JAG1: variants seen among roughly 807,000 people sequenced by gnomAD.
JAG1 encodes the protein protein jagged-1.
JAG1 carries 23 observed loss-of-function variants against 148.7 expected under a neutral mutation model. That is an observed-to-expected ratio of 0.15 (90% CI 0.11 to 0.22). JAG1 has a LOEUF of 0.22. Ranked by LOEUF, JAG1 falls within the 10% of genes least tolerant of loss-of-function variation. The probability of loss-of-function intolerance (pLI) is 1.00; values close to 1 mark genes in which losing one functional copy is unlikely to be tolerated. For missense variants in JAG1, 1,054 were observed against 1,611.2 expected, an observed-to-expected ratio of 0.65 and a Z score of 5.92; for synonymous variants, 572 against 598.3, an observed-to-expected ratio of 0.96 and a Z score of 0.64.
intron 3 of JAG1, among the ~76,000 whole-genome samples, chr20:10,659,857 TATC>T (rs2067404597): frequency 6.6e-6 from 1 of 152,236 alleles, no homozygotes; most frequent in African/African-American, 2.4e-5. Flanking sequence ...TGAGGCCACT[TATC>T]ATCTAGTTTG....
chr20:10,654,266 T>TA (rs1230811102), intron 5 of JAG1, among the ~76,000 whole-genome samples: 2 of 151,732 alleles, frequency 1.3e-5, no homozygotes, highest in African/African-American at 2.4e-5. Context: ...TCCCCAAGCA[T>TA]AAAAAAGCAA....
At chr20:10,648,460 A>G in intron 12 of JAG1, 89 bp downstream of exon 12, 1 of 1,106,042 alleles carries the variant, frequency 9.0e-7, no homozygotes, top group Non-Finnish European at 1.4e-6. Context: ...AATTCCAGAC[A>G]CAAGAGCTGA....
intron 8 of JAG1, chr20:10,651,212 G>T (rs1415717813): frequency 9.9e-6 from 2 of 201,618 alleles, no homozygotes; most frequent in Non-Finnish European, 2.1e-5. Flanking sequence ...CTTCTCTGGG[G>T]CCCCCTGGCC....
Position 10,673,420 on chromosome 20 carries a change from TG to T in JAG1, c.81+29del. On this transcript the variant is annotated intron_variant, in intron 1 of 25. Transcript: ENST00000254958. This position sits in a 1 kb window ranked among gnomAD's most constrained non-coding sequence, Gnocchi z 4.7. ...GCCGCGAGGGGAGGGAGAGGACGGCTGGGAGGGAGGCCCGGAGAAGGGCTCC... is the reference window on the plus strand; with the variant it reads ...GCCGCGAGGGGAGGGAGAGGACGGCTGGAGGGAGGCCCGGAGAAGGGCTCC... The T allele has an allele frequency of 7.0e-7, 1 of 1,422,734 alleles. No individual in the cohort carries two copies. Among genetic ancestry groups the T allele is most frequent in the South Asian group, 1.4e-5 (1 of 69,088 alleles). The allele number at this position is 1,422,734 out of a possible 1,614,324, so 88.1% of individuals were successfully genotyped here. A position where few individuals can be genotyped will look rare whatever the true frequency, so the allele number is the denominator to read the frequency against.
At chr20:10,660,913 G>T (rs542271044) in intron 3 of JAG1, among the ~76,000 whole-genome samples, 1 of 152,220 alleles carries the variant, frequency 6.6e-6, no homozygotes, top group Non-Finnish European at 1.5e-5. Context: ...GGCCAAGGAG[G>T]AGGTGATGAA....
At chr20:10,643,039 A>G (rs956348566) in intron 20 of JAG1, among the ~76,000 whole-genome samples, 17 of 152,266 alleles carry the variant, frequency 1.1e-4, no homozygotes, top group African/African-American at 4.1e-4. Flanking sequence ...CTGTATTTAT[A>G]AAAACAGACA....
rs751424768 is a variant in JAG1, at chr20:10,647,051, C to T, written c.1773G>A (p.Val591=). The T allele has an allele frequency of 1.9e-6, 3 of 1,614,220 alleles. No individual in the cohort carries two copies. Among genetic ancestry groups the T allele is most frequent in the Non-Finnish European group, 1.7e-6 (2 of 1,180,040 alleles). Residue 591 remains valine (V), a synonymous_variant, in exon 14 of 26, where the codon GTG becomes GTA. Coordinates refer to ENST00000254958, the MANE Select transcript of JAG1 (RefSeq NM_000214.3). ...AMASNDTPEG[V]RYISSNVCGP... is the part of the protein sequence containing the mutation. ...CACAGACGTTGGAGGAAATATACCG[C>T]ACCCCTTCAGGTGTGTCGTTGGAAG...
At chr20:10,640,372 C>A (rs11699674) in intron 25 of JAG1, among the ~76,000 whole-genome samples, 1 of 149,246 alleles carries the variant, frequency 6.7e-6, no homozygotes, top group Non-Finnish European at 1.5e-5. Context: ...AAACGGTGCT[C>A]GAGATCCTCA....
At chr20:10,659,256 C>T (rs948278228) in intron 3 of JAG1, among the ~76,000 whole-genome samples, 2 of 152,220 alleles carry the variant, frequency 1.3e-5, no homozygotes, top group African/African-American at 2.4e-5. Context: ...ATTTAATTAG[C>T]ATTTAACTAA....
intron 24 of JAG1, 88 bp from the exon 25 acceptor site, chr20:10,641,021 GC>G: frequency 6.2e-7 from 1 of 1,610,508 alleles, no homozygotes; most frequent in Non-Finnish European, 8.5e-7. Flanking sequence ...TGTCTGCAAA[GC>G]TTTTTGTCAG....
chr20:10,660,307 C>G (rs143355706), intron 3 of JAG1, among the ~76,000 whole-genome samples: 26 of 112,116 alleles, frequency 2.3e-4, no homozygotes, highest in African/African-American at 7.8e-4. Context: ...CCGGCACGCA[C>G]TGAACCACTT....
At position 10,641,614 on chromosome 20, in the gene JAG1, A is replaced by G. The variant is rs1305578649; in HGVS notation, c.2762T>C (p.Leu921Pro). The change falls in exon 23 of 26, where the codon CTG becomes CCG. Residue 921 changes from leucine (L) to proline (P), a missense_variant. Coordinates refer to ENST00000254958, the MANE Select transcript of JAG1 (RefSeq NM_000214.3). ...CPSGQSCIPI[L>P]DDQCFVHPCT... is the part of the protein sequence containing the mutation. ...GGGGTGGACGAAGCACTGGTCGTCC[A>G]GGATGGGGATGCAGCTCTGCCCGCT... is the stretch of plus-strand genomic sequence containing the variant. 5.0e-6 allele frequency: 8 copies of G among 1,613,998 alleles called. No individual in the cohort carries two copies. Among genetic ancestry groups the G allele is most frequent in the East Asian group, 2.2e-5 (1 of 44,890 alleles).
intron 19 of JAG1, 106 bp from the exon 20 acceptor site, chr20:10,643,969 A>AGGCAACGGCCATGGGG: frequency 1.2e-6 from 1 of 851,564 alleles, no homozygotes; most frequent in Non-Finnish European, 2.0e-6. Context: ...CTCTCACCCC[A>AGGCAACGGCCATGGGG]TGGCCGTTGC....
At chr20:10,663,891 A>G in intron 3 of JAG1, 72 bp downstream of exon 3, 2 of 1,170,754 alleles carry the variant, frequency 1.7e-6, no homozygotes, top group Non-Finnish European at 2.6e-6. Context: ...AGACAGATCC[A>G]GCTCCAACTG....
intron 2 of JAG1, among the ~76,000 whole-genome samples, chr20:10,669,546 C>CAAAAA (rs2067480436): frequency 5.9e-5 from 1 of 17,008 alleles, no homozygotes; most frequent in Non-Finnish European, 1.1e-4. Context: ...ATTGGATTTT[C>CAAAAA]CAAAAAAAAA....
intron 13 of JAG1, 72 bp from the exon 14 acceptor site, chr20:10,647,175 G>T: frequency 6.3e-7 from 1 of 1,582,814 alleles, no homozygotes; most frequent in Non-Finnish European, 8.7e-7. Flanking sequence ...CAAGGGCCTG[G>T]GCCAAGCCCA....
rs765431150 is a variant in JAG1 at position 10,641,800 on chromosome 20, G to C, written c.2665C>G (p.Arg889Gly). The C allele has an allele frequency of 3.0e-5, 48 of 1,613,588 alleles. No homozygotes were observed. The highest frequency in any genetic ancestry group is 4.0e-5 in the Non-Finnish European group (47 of 1,179,574). The change falls in exon 22 of 26, where the codon CGG becomes GGG. Residue 889 changes from arginine to glycine, a missense_variant. Physicochemically the swap from Arg to Gly is moderately radical, Grantham distance 125. Transcript: ENST00000254958. ...TGTCCTACCTTTGAGCAGGCGATCC[G>C]TCCATTCAGGCACTGGCAGGTATTA... is the stretch of plus-strand genomic sequence containing the variant. ...DCNTCQCLNG[R>G]IACSKVWCGP...
At chr20:10,672,088 T>A (rs1366245002) in intron 2 of JAG1, among the ~76,000 whole-genome samples, 2 of 152,090 alleles carry the variant, frequency 1.3e-5, no homozygotes, top group Non-Finnish European at 2.9e-5. Flanking sequence ...GGTTCCCAGG[T>A]CTACAGCTCC....
rs35891274 is a variant in JAG1 at position 10,642,618 on chromosome 20, T to G, written c.2459-17A>C. 12,285 of 1,476,638 alleles carry G rather than the reference T, an allele frequency of 8.3e-3. 60 individuals carry two copies. Among genetic ancestry groups the G allele is most frequent in the Middle Eastern group, 1.0e-2 (58 of 5,822 alleles). 91.5% of individuals were successfully genotyped at this position (1,476,638 alleles called of 1,614,324 possible). On this transcript the variant is annotated splice_polypyrimidine_tract_variant and intron_variant, in intron 20 of 25. Transcript: ENST00000254958. ...CATTGATGTCTAGGAGAAATGGAGT[T>G]CAAGTTTAGGGACTGATGGTGTGTG...
Sources: allele counts gnomAD v4.1 joint callset (sites outside exome capture counted in the v4.1 genomes callset), GRCh38; gene constraint gnomAD v4.1.1; non-coding constraint Gnocchi (gnomAD v3.1); transcripts MANE v1.5; gene names NCBI Gene and HGNC (gene_info 2026-07-23, HGNC 2026-07-21).